The following DSCAML1 variants were observed in gnomAD, a reference collection of about 807,000 sequenced individuals.
DSCAML1 encodes the protein cell adhesion molecule DSCAML1.
DSCAML1 carries 38 observed loss-of-function variants against 200.5 expected under a neutral mutation model. The ratio of observed to expected loss-of-function variants is 0.19; its 90% CI spans 0.15 to 0.25. The LOEUF is 0.25. Among genes scored for constraint, DSCAML1 ranks in the 10% least tolerant of loss-of-function variants. The pLI, the probability that DSCAML1 is intolerant of heterozygous loss-of-function variation, is 1.00. For synonymous variants in DSCAML1, 1,215 were observed against 1,165.0 expected (o/e 1.04, Z -0.87); for missense variants, 2,223 against 2,858.8 (o/e 0.78, Z 5.07).
At chr11:117,669,490 T>G (rs1422368810) in intron 3 of DSCAML1, among the ~76,000 whole-genome samples, 1 of 152,206 alleles carries the variant, frequency 6.6e-6, no homozygotes, top group African/African-American at 2.4e-5. Flanking sequence ...AGCTATCTAG[T>G]GGACCTTCTT....
chr11:117,500,977 TG>T (rs889664199), intron 11 of DSCAML1, among the ~76,000 whole-genome samples: 1 of 152,160 alleles, frequency 6.6e-6, no homozygotes, highest in Non-Finnish European at 1.5e-5. Context: ...AACCTTGAAT[TG>T]GCTTTGCAAA....
intron 3 of DSCAML1, 71 bp downstream of exon 3, chr11:117,776,720 G>A: frequency 1.3e-6 from 2 of 1,570,868 alleles, no homozygotes; most frequent in South Asian, 1.1e-5. Context: ...AACCAGCTCA[G>A]GCATCTCTAC....
intron 21 of DSCAML1, among the ~76,000 whole-genome samples, chr11:117,440,624 G>A (rs190147285): frequency 2.8e-3 from 426 of 152,252 alleles, no homozygotes; most frequent in African/African-American, 0.01. Context: ...TATAAGAAGT[G>A]GTGTTGGACA....
At chr11:117,701,767 G>A (rs896079333) in intron 3 of DSCAML1, among the ~76,000 whole-genome samples, 3 of 152,118 alleles carry the variant, frequency 2.0e-5, no homozygotes, top group South Asian at 2.1e-4. Context: ...CCTTTGTGGC[G>A]CTGCTGATGG....
intron 3 of DSCAML1, among the ~76,000 whole-genome samples, chr11:117,744,412 T>A (rs2054478642): frequency 6.6e-6 from 1 of 152,236 alleles, no homozygotes; most frequent in Admixed American, 6.5e-5. Context: ...AGACCCTGCA[T>A]TGCTAACAAG....
intron 20 of DSCAML1, among the ~76,000 whole-genome samples, chr11:117,445,697 G>A (rs2137103984): frequency 6.6e-6 from 1 of 152,344 alleles, no homozygotes; most frequent in South Asian, 2.1e-4. Flanking sequence ...ACATGTGCAT[G>A]TGTGGAGAAC....
intron 1 of DSCAML1, among the ~76,000 whole-genome samples, chr11:117,816,949 G>A (rs1203550818): frequency 6.6e-6 from 1 of 152,178 alleles, no homozygotes; most frequent in Non-Finnish European, 1.5e-5. Flanking sequence ...TGATGGGGAA[G>A]TCCAGGCCAC....
chr11:117,805,181 T>A (rs2055699130), intron 1 of DSCAML1, among the ~76,000 whole-genome samples: 1 of 152,198 alleles, frequency 6.6e-6, no homozygotes, highest in Non-Finnish European at 1.5e-5. Flanking sequence ...ATCCCATTCA[T>A]CATTTGGTGA....
At chr11:117,743,065 C>A (rs562059768) in intron 3 of DSCAML1, among the ~76,000 whole-genome samples, 35 of 151,726 alleles carry the variant, frequency 2.3e-4, no homozygotes, top group South Asian at 4.2e-4. Context: ...TCAGCAGGTA[C>A]AGAGAATCTG....
At chr11:117,747,116 C>T (rs758034502) in intron 3 of DSCAML1, among the ~76,000 whole-genome samples, 2 of 152,280 alleles carry the variant, frequency 1.3e-5, no homozygotes, top group African/African-American at 2.4e-5. Flanking sequence ...TGGCCTTCAC[C>T]GCCCTCTCCC....
chr11:117,667,059 A>G (rs1055518717), intron 3 of DSCAML1, among the ~76,000 whole-genome samples: 2 of 152,160 alleles, frequency 1.3e-5, no homozygotes, highest in Admixed American at 1.3e-4. Context: ...AGCAACACCC[A>G]GCTTTCCCGA....
At chr11:117,749,745 T>C (rs1472193558) in intron 3 of DSCAML1, among the ~76,000 whole-genome samples, 1 of 152,218 alleles carries the variant, frequency 6.6e-6, no homozygotes, top group Non-Finnish European at 1.5e-5. Context: ...TCGCAGGCAG[T>C]GCAGGTTGGC....
At chr11:117,548,866 G>T (rs1310861153) in intron 3 of DSCAML1, among the ~76,000 whole-genome samples, 1 of 152,192 alleles carries the variant, frequency 6.6e-6, no homozygotes, top group Non-Finnish European at 1.5e-5. Context: ...GGGAGGAGTC[G>T]CTGGGCTGCC....
At chr11:117,548,269 T>C (rs1382008030) in intron 3 of DSCAML1, among the ~76,000 whole-genome samples, 1 of 152,226 alleles carries the variant, frequency 6.6e-6, no homozygotes, top group African/African-American at 2.4e-5. Context: ...TCTTCCCCTC[T>C]AACAGTCAAG....
At chr11:117,603,697 T>G (rs2051509045) in intron 3 of DSCAML1, among the ~76,000 whole-genome samples, 1 of 152,208 alleles carries the variant, frequency 6.6e-6, no homozygotes, top group Admixed American at 6.5e-5. Context: ...ATTCCTCTCT[T>G]CCAGTAAGGC....
chr11:117,602,630 G>C (rs2051486336), intron 3 of DSCAML1, among the ~76,000 whole-genome samples: 1 of 152,148 alleles, frequency 6.6e-6, no homozygotes, highest in South Asian at 2.1e-4. Flanking sequence ...CGAAGTGCTG[G>C]GATTACAGGT....
chr11:117,780,473 G>C lies in DSCAML1; in HGVS notation c.364+20C>G. ...AGCCTCCTCCTGTGCCACTGGGGCA[G>C]CCAGTGTCTTGTCCCTTACCTGCTT... On this transcript the variant is annotated intron_variant, in intron 2 of 32. Coordinates refer to ENST00000651296, the MANE Select transcript of DSCAML1 (RefSeq NM_020693.4). The surrounding 1 kb of genome is among the most constrained non-coding windows in gnomAD (Gnocchi z 4.8). The C allele has an allele frequency of 7.0e-7, 1 of 1,422,078 alleles. No individual in the cohort carries two copies. Among genetic ancestry groups the C allele is most frequent in the Non-Finnish European group, 9.2e-7 (1 of 1,083,830 alleles). The allele number at this position is 1,422,078 out of a possible 1,614,324, so 88.1% of individuals were successfully genotyped here.
chr11:117,675,151 C>T (rs992330921), intron 3 of DSCAML1, among the ~76,000 whole-genome samples: 1 of 152,188 alleles, frequency 6.6e-6, no homozygotes, highest in African/African-American at 2.4e-5. Flanking sequence ...TATGAGTTAA[C>T]ATATGTGAAG....
At chr11:117,726,257 G>GTA (rs2054127954) in intron 3 of DSCAML1, among the ~76,000 whole-genome samples, 2 of 142,770 alleles carry the variant, frequency 1.4e-5, no homozygotes, top group South Asian at 4.3e-4. Flanking sequence ...ATCTCTGTGT[G>GTA]TGTGTGTGCG....
Sources: gnomAD v4.1 joint callset for allele counts (sites outside exome capture counted in the v4.1 genomes callset) on GRCh38, gnomAD v4.1.1 for gene constraint, Gnocchi (gnomAD v3.1) non-coding constraint, MANE v1.5 for transcripts, NCBI Gene and HGNC (gene_info 2026-07-23, HGNC 2026-07-21) for gene names.